KCNQ1OT1: variants seen among roughly 807,000 people sequenced by gnomAD.
The protein encoded by KCNQ1OT1 is KCNQ1 opposite strand/antisense transcript 1.
Position 2,657,967 on chromosome 11 carries a change from G to A in KCNQ1OT1, n.42028C>T. ...TAACCTTGAGCCACTCGTTTAAAGT[G>A]GTGTCGGCCAGGCTCCTCCACTGTA... is the stretch of plus-strand genomic sequence containing the variant. On this transcript the variant is annotated non_coding_transcript_exon_variant, in exon 1 of 1. Coordinates refer to ENST00000597346, the Ensembl canonical transcript of KCNQ1OT1. This position sits in a 1 kb window ranked among gnomAD's most constrained non-coding sequence, Gnocchi z 4.8. The A allele has an allele frequency of 2.5e-6, 1 of 398,544 alleles. No homozygotes were observed. The highest frequency in any genetic ancestry group is 2.1e-5 in the African/African-American group (1 of 48,736). The allele number at this position is 398,544 out of a possible 1,614,324, so 24.7% of individuals were successfully genotyped here. A position where few individuals can be genotyped will look rare whatever the true frequency, so the allele number is the denominator to read the frequency against.
At position 2,664,654 on chromosome 11, in the gene KCNQ1OT1, G is replaced by A. The variant is rs904357785; in HGVS notation, n.35341C>T. The A allele has an allele frequency of 2.5e-6, 1 of 398,728 alleles. No individual in the cohort carries two copies. Among genetic ancestry groups the A allele is most frequent in the African/African-American group, 2.1e-5 (1 of 48,640 alleles). 24.7% of individuals were successfully genotyped at this position (398,728 alleles called of 1,614,324 possible). On this transcript the variant is annotated non_coding_transcript_exon_variant, in exon 1 of 1. Coordinates refer to ENST00000597346, the Ensembl canonical transcript of KCNQ1OT1. The surrounding 1 kb of genome is among the most constrained non-coding windows in gnomAD (Gnocchi z 5.1). ...TTAAATTCGGCTCCAGCTGCTCAGG[G>A]ATGCAGCGAAGCTCCTGTGGGCAGC...
rs967577429 is a variant in KCNQ1OT1 at position 2,624,644 on chromosome 11, C to T, written n.75351G>A. 80 of 398,376 alleles carry T rather than the reference C, an allele frequency of 2.0e-4. No individual in the cohort carries two copies. The highest frequency in any genetic ancestry group is 1.6e-4 in the Non-Finnish European group (36 of 226,028). 24.7% of individuals were successfully genotyped at this position (398,376 alleles called of 1,614,324 possible). ...TACAATTCAGTGAATGTATTAGATA[C>T]GTTCACAATGCTGTGCAATCATCAC... On this transcript the variant is annotated non_coding_transcript_exon_variant, in exon 1 of 1. Transcript: ENST00000597346. The surrounding 1 kb of genome is among the most constrained non-coding windows in gnomAD (Gnocchi z 4.9).
chr11:2,676,765 C>T lies in KCNQ1OT1; in HGVS notation n.23230G>A. ...ACGATGGTCTGCTGTATGAAGCAAC[C>T]CTAGGACATTTGAAGAGAATGGAGT... On this transcript the variant is annotated non_coding_transcript_exon_variant, in exon 1 of 1. Coordinates refer to ENST00000597346, the Ensembl canonical transcript of KCNQ1OT1. This position sits in a 1 kb window ranked among gnomAD's most constrained non-coding sequence, Gnocchi z 4.2. 2.5e-6 allele frequency: 1 copy of T among 398,584 alleles called. No homozygotes were observed. 24.7% of individuals were successfully genotyped at this position (398,584 alleles called of 1,614,324 possible). A position where few individuals can be genotyped will look rare whatever the true frequency, so the allele number is the denominator to read the frequency against.
chr11:2,641,874 T>G (rs1849584461), exon 1 of KCNQ1OT1: 1 of 398,340 alleles, frequency 2.5e-6, no homozygotes, highest in Non-Finnish European at 4.4e-6. Context: ...CCCAGCTCCA[T>G]TAAGTGAAGA....
chr11:2,670,019 C>T lies in KCNQ1OT1; in HGVS notation n.29976G>A, dbSNP rs774919504. 12 of 398,424 alleles carry T rather than the reference C, an allele frequency of 3.0e-5. No individual in the cohort carries two copies. The highest frequency in any genetic ancestry group is 1.3e-4 in the South Asian group (1 of 7,854). The allele number at this position is 398,424 out of a possible 1,614,324, so 24.7% of individuals were successfully genotyped here. A position where few individuals can be genotyped will look rare whatever the true frequency, so the allele number is the denominator to read the frequency against. The stretch of plus-strand genomic sequence containing the variant: ...TGGGGTTCAGGAGCTGTTGGGGTCC[C>T]GTGGAGGTACAGGCGGAAACCTAGC... On this transcript the variant is annotated non_coding_transcript_exon_variant, in exon 1 of 1. Coordinates refer to ENST00000597346, the Ensembl canonical transcript of KCNQ1OT1. This position sits in a 1 kb window ranked among gnomAD's most constrained non-coding sequence, Gnocchi z 4.9.
chr11:2,622,669 A>G, exon 1 of KCNQ1OT1: 1 of 398,524 alleles, frequency 2.5e-6, no homozygotes, highest in Non-Finnish European at 4.4e-6. Flanking sequence ...ATAGTGTACC[A>G]TTATGATTCT....
At chr11:2,699,708 G>C (rs1850755482) in exon 1 of KCNQ1OT1, 1 of 251,886 alleles carries the variant, frequency 4.0e-6, no homozygotes, top group South Asian at 2.4e-4. Context: ...GAGGAGAACG[G>C]CGCCGAGGAG....
exon 1 of KCNQ1OT1, chr11:2,684,641 G>C (rs1850453401): frequency 2.5e-6 from 1 of 398,526 alleles, no homozygotes; most frequent in Admixed American, 4.4e-5. Context: ...CTTGAAGAAG[G>C]AACAGGAAAG....
At chr11:2,672,512 C>CCATTA (rs1850204811) in exon 1 of KCNQ1OT1, 1 of 398,674 alleles carries the variant, frequency 2.5e-6, no homozygotes, top group Non-Finnish European at 4.4e-6. Context: ...GCTCTGTGCT[C>CCATTA]CCAGGCCTCT....
At chr11:2,616,194 T>A in exon 1 of KCNQ1OT1, 1 of 397,638 alleles carries the variant, frequency 2.5e-6, no homozygotes, top group Non-Finnish European at 4.4e-6. Flanking sequence ...GTTATATCGT[T>A]CCCACTTTTG....
Position 2,642,374 on chromosome 11 carries a change from GAT to G in KCNQ1OT1, n.57619_57620del. On this transcript the variant is annotated non_coding_transcript_exon_variant, in exon 1 of 1. Transcript: ENST00000597346. The surrounding 1 kb of genome is among the most constrained non-coding windows in gnomAD (Gnocchi z 4.3). The stretch of plus-strand genomic sequence containing the variant: ...TAGATTTTTTGTAGTGGTTGTAAAA[GAT>G]AATGCCTTCTTGATTTCTTTCTCAG... 1 of 398,162 alleles carries G rather than the reference GAT, an allele frequency of 2.5e-6. No individual in the cohort carries two copies. Among genetic ancestry groups the G allele is most frequent in the Admixed American group, 4.4e-5 (1 of 22,722 alleles). 24.7% of individuals were successfully genotyped at this position (398,162 alleles called of 1,614,324 possible).
chr11:2,697,285 C>T lies in KCNQ1OT1; in HGVS notation n.2710G>A, dbSNP rs58129562. The T allele has an allele frequency of 4.4e-3, 1,764 of 398,518 alleles. 31 individuals carry two copies. The highest frequency in any genetic ancestry group is 0.037 in the Admixed American group (840 of 22,724). 24.7% of individuals were successfully genotyped at this position (398,518 alleles called of 1,614,324 possible). On this transcript the variant is annotated non_coding_transcript_exon_variant, in exon 1 of 1. Coordinates refer to ENST00000597346, the Ensembl canonical transcript of KCNQ1OT1. ...AATAACTTTTAAGAATACAACAAGT[C>T]GTAACACCAAAATGTTTGAGAATCT...
Position 2,679,121 on chromosome 11 carries a change from A to G in KCNQ1OT1, n.20874T>C, listed in dbSNP as rs749926003. Reference sequence around the variant, plus strand: ...GCTAGAGTGCTGTTATAAGCTGTGCAGGCCAAAATGGTTTCATGGCATGAG... The same window carrying G: ...GCTAGAGTGCTGTTATAAGCTGTGCGGGCCAAAATGGTTTCATGGCATGAG... On this transcript the variant is annotated non_coding_transcript_exon_variant, in exon 1 of 1. Transcript: ENST00000597346. This position sits in a 1 kb window ranked among gnomAD's most constrained non-coding sequence, Gnocchi z 4.8. The G allele has an allele frequency of 8.5e-5, 34 of 398,552 alleles. No homozygotes were observed. The highest frequency in any genetic ancestry group is 1.4e-4 in the Non-Finnish European group (32 of 226,084). The allele number at this position is 398,552 out of a possible 1,614,324, so 24.7% of individuals were successfully genotyped here. A position where few individuals can be genotyped will look rare whatever the true frequency, so the allele number is the denominator to read the frequency against.
Position 2,611,510 on chromosome 11 carries a change from C to A in KCNQ1OT1, n.88485G>T. 2.5e-6 allele frequency: 1 copy of A among 398,466 alleles called. No homozygotes were observed. The highest frequency in any genetic ancestry group is 4.4e-6 in the Non-Finnish European group (1 of 226,078). The allele number at this position is 398,466 out of a possible 1,614,324, so 24.7% of individuals were successfully genotyped here. On this transcript the variant is annotated non_coding_transcript_exon_variant, in exon 1 of 1. Coordinates refer to ENST00000597346, the Ensembl canonical transcript of KCNQ1OT1. This position sits in a 1 kb window ranked among gnomAD's most constrained non-coding sequence, Gnocchi z 5.3. ...TACAGGTGTGAGCCACTGCACCCAG[C>A]CAATTTTGTCTGATTTTAGTACAGT...
chr11:2,659,777 A>T lies in KCNQ1OT1; in HGVS notation n.40218T>A, dbSNP rs960424072. On this transcript the variant is annotated non_coding_transcript_exon_variant, in exon 1 of 1. Transcript: ENST00000597346. The surrounding 1 kb of genome is among the most constrained non-coding windows in gnomAD (Gnocchi z 4.3). ...AGTGGTTGGTATTGTCAGGTTTTGA[A>T]TTTTTTTTTTAATTTATGGAATTTC... is the stretch of plus-strand genomic sequence containing the variant. 2 of 394,274 alleles carry T rather than the reference A, an allele frequency of 5.1e-6. No homozygotes were observed. The highest frequency in any genetic ancestry group is 2.1e-5 in the African/African-American group (1 of 48,000). 24.4% of individuals were successfully genotyped at this position (394,274 alleles called of 1,614,324 possible). A position where few individuals can be genotyped will look rare whatever the true frequency, so the allele number is the denominator to read the frequency against.
At chr11:2,672,040 G>A (rs1554905184) in exon 1 of KCNQ1OT1, 1 of 398,682 alleles carries the variant, frequency 2.5e-6, no homozygotes, top group Non-Finnish European at 4.4e-6. Flanking sequence ...GGCCCGGTCT[G>A]CACTCAAGCC....
At chr11:2,656,006 A>G (rs940214319) in exon 1 of KCNQ1OT1, 3 of 398,490 alleles carry the variant, frequency 7.5e-6, no homozygotes, top group African/African-American at 4.1e-5. Context: ...TTAATTTCCT[A>G]AAACACCAGG....
In KCNQ1OT1 at chr11:2,623,034, G is replaced by A. The variant is rs920073965; in HGVS notation, n.76961C>T. On this transcript the variant is annotated non_coding_transcript_exon_variant, in exon 1 of 1. Transcript: ENST00000597346. This position sits in a 1 kb window ranked among gnomAD's most constrained non-coding sequence, Gnocchi z 5.2. ...GTAATCCCCATGTGTCAGGGGAGGG[G>A]CCTGGTGGGGGGCAAACTTCCCCCT... is the stretch of plus-strand genomic sequence containing the variant. The A allele has an allele frequency of 2.5e-6, 1 of 398,598 alleles. No individual in the cohort carries two copies. Among genetic ancestry groups the A allele is most frequent in the South Asian group, 1.3e-4 (1 of 7,798 alleles). The allele number at this position is 398,598 out of a possible 1,614,324, so 24.7% of individuals were successfully genotyped here. A position where few individuals can be genotyped will look rare whatever the true frequency, so the allele number is the denominator to read the frequency against.
At chr11:2,648,509 A>T (rs1849702140) in exon 1 of KCNQ1OT1, 1 of 398,350 alleles carries the variant, frequency 2.5e-6, no homozygotes, top group Non-Finnish European at 4.4e-6. Flanking sequence ...TAAATTTTTA[A>T]AATCAATTTC....
Sources: gnomAD v4.1 joint callset for allele counts on GRCh38, gnomAD v4.1.1 for gene constraint, Gnocchi (gnomAD v3.1) non-coding constraint, MANE v1.5 for transcripts, NCBI Gene and HGNC (gene_info 2026-07-23, HGNC 2026-07-21) for gene names.